Variants in ARL5B observed in about 807,000 individuals in gnomAD.
The protein encoded by ARL5B is ARF like GTPase 5B.
In ARL5B, 10 loss-of-function variants were observed where a neutral mutation model predicts 26.9. The ratio of observed to expected loss-of-function variants is 0.37; its 90% confidence interval spans 0.23 to 0.63. ARL5B has a LOEUF of 0.63. ARL5B is among the 30% of genes least tolerant of loss of function. The pLI, the probability that ARL5B is intolerant of heterozygous loss-of-function variation, is 0.62. For missense variants in ARL5B, 167 were observed against 213.9 expected (o/e 0.78, Z 1.37); for synonymous variants, 87 against 70.4 (o/e 1.24, Z -1.18).
At position 18,674,216 on chromosome 10, in the gene ARL5B, G is replaced by A. The variant is rs1488534448; in HGVS notation, c.491+81G>A. On this transcript the variant is annotated intron_variant, in intron 5 of 5. Transcript: ENST00000377275. ...TTAGGCCAACTTGTTTTCTTCATGGGTCCTGTTCCTTTTCTGTTTGTTTGT... is the reference window on the plus strand; with the variant it reads ...TTAGGCCAACTTGTTTTCTTCATGGATCCTGTTCCTTTTCTGTTTGTTTGT... The A allele has an allele frequency of 1.6e-5, 21 of 1,312,612 alleles. No homozygotes were observed. In the East Asian group the frequency reaches 4.8e-4, roughly 30 times the overall value. 81.3% of individuals were successfully genotyped at this position (1,312,612 alleles called of 1,614,324 possible).
rs2131652325 is a variant in ARL5B, at chr10:18,677,805, T to C, written c.*2589T>C. 6.6e-6 allele frequency: 1 copy of C among 152,406 alleles called. No homozygotes were observed. The highest frequency in any genetic ancestry group is 3.4e-3 in the Middle Eastern group (1 of 294). The allele number at this position is 152,406 out of a possible 1,614,324, so 9.4% of individuals were successfully genotyped here. ...TAATTATTTCAGTGATGAAATAATT[T>C]GTGTTTTATATCCCCCTTCACCTCC... On this transcript the variant is annotated 3_prime_UTR_variant, in exon 6 of 6. Transcript: ENST00000377275.
chr10:18,675,068 T>C, intron 5 of ARL5B, 100 bp from the exon 6 acceptor site: 1 of 1,002,086 alleles, frequency 1.0e-6, no homozygotes, highest in Non-Finnish European at 1.5e-6. Context: ...TAAATAATGA[T>C]TGTGCTACCA....
chr10:18,678,733 C>G lies in ARL5B; in HGVS notation c.*3517C>G, dbSNP rs1347926632. 2 of 151,298 alleles carry G rather than the reference C, an allele frequency of 1.3e-5. No individual in the cohort carries two copies. Among genetic ancestry groups the G allele is most frequent in the East Asian group, 1.9e-4 (1 of 5,186 alleles). The allele number at this position is 151,298 out of a possible 1,614,324, so 9.4% of individuals were successfully genotyped here. On this transcript the variant is annotated 3_prime_UTR_variant, in exon 6 of 6. Transcript: ENST00000377275. ...CTTCACTCTAATTCAGTCCTAAAGG[C>G]TATTTTACATTTTGCCGGGGTAAAG...
At chr10:18,665,442 GTT>G (rs1209941899) in intron 1 of ARL5B, among the ~76,000 whole-genome samples, 9 of 152,182 alleles carry the variant, frequency 5.9e-5, no homozygotes, top group Non-Finnish European at 1.2e-4. Context: ...GACCGTGTCT[GTT>G]TATCCTGCAC....
intron 3 of ARL5B, among the ~76,000 whole-genome samples, chr10:18,670,562 G>A (rs893543994): frequency 1.3e-5 from 2 of 152,174 alleles, no homozygotes; most frequent in African/African-American, 4.8e-5. Flanking sequence ...AGTGAGCTGA[G>A]ATAGCACCAC....
At chr10:18,670,797 T>A (rs2059883732) in intron 3 of ARL5B, among the ~76,000 whole-genome samples, 1 of 152,176 alleles carries the variant, frequency 6.6e-6, no homozygotes, top group African/African-American at 2.4e-5. Context: ...GAAAGGGTAG[T>A]TCTTGAAGTG....
rs2059899097 is a variant in ARL5B, at chr10:18,673,925, G to C, written c.340-59G>C. Reference sequence around the variant, plus strand: ...AGAAGCACTTCATTATAACTGTTCAGCTGGGTAAATTTAAATTGTGGTATT... The same window carrying C: ...AGAAGCACTTCATTATAACTGTTCACCTGGGTAAATTTAAATTGTGGTATT... On this transcript the variant is annotated intron_variant, in intron 4 of 5. Transcript: ENST00000377275. The C allele has an allele frequency of 2.0e-6, 3 of 1,495,476 alleles. No individual in the cohort carries two copies. In the East Asian group the frequency reaches 7.3e-5, roughly 36 times the overall value. The allele number at this position is 1,495,476 out of a possible 1,614,324, so 92.6% of individuals were successfully genotyped here.
At chr10:18,662,500 T>C (rs891985708) in intron 1 of ARL5B, among the ~76,000 whole-genome samples, 2 of 152,248 alleles carry the variant, frequency 1.3e-5, no homozygotes, top group Non-Finnish European at 2.9e-5. Flanking sequence ...GGAAATAATT[T>C]GGAATTCTGA....
At chr10:18,668,048 C>T (rs1185525328) in intron 2 of ARL5B, among the ~76,000 whole-genome samples, 4 of 152,112 alleles carry the variant, frequency 2.6e-5, no homozygotes, top group Non-Finnish European at 5.9e-5. Context: ...TGCCCATGGT[C>T]ATCTTTTTAG....
chr10:18,662,262 C>T (rs1355160419), intron 1 of ARL5B, among the ~76,000 whole-genome samples: 1 of 152,214 alleles, frequency 6.6e-6, no homozygotes, highest in East Asian at 1.9e-4. Flanking sequence ...AACTACTGAT[C>T]TTACTTTATG....
chr10:18,668,402 T>G, intron 2 of ARL5B, 128 bp from the exon 3 acceptor site: 1 of 938,194 alleles, frequency 1.1e-6, no homozygotes, highest in Non-Finnish European at 1.6e-6. Flanking sequence ...TCTCCAGGTT[T>G]ATAATTTTCA....
At chr10:18,672,735 CAG>C (rs1224119554) in intron 4 of ARL5B, 30 bp downstream of exon 4, 13 of 1,518,008 alleles carry the variant, frequency 8.6e-6, no homozygotes, top group Non-Finnish European at 1.2e-5. Context: ...CTTTAAAAAA[CAG>C]TGTAGTAAAG....
intron 4 of ARL5B, 52 bp from the exon 5 acceptor site, chr10:18,673,932 A>T: frequency 9.9e-6 from 15 of 1,515,610 alleles, no homozygotes; most frequent in Non-Finnish European, 1.3e-5. Flanking sequence ...TCAGCTGGGT[A>T]AATTTAAATT....
At chr10:18,660,986 T>A (rs1380592063) in intron 1 of ARL5B, among the ~76,000 whole-genome samples, 1 of 152,106 alleles carries the variant, frequency 6.6e-6, no homozygotes, top group Non-Finnish European at 1.5e-5. Context: ...TAACTGGTAT[T>A]TACAGGCACC....
chr10:18,678,711 C>G lies in ARL5B; in HGVS notation c.*3495C>G, dbSNP rs2059920476. 2 of 151,708 alleles carry G rather than the reference C, an allele frequency of 1.3e-5. No individual in the cohort carries two copies. Among genetic ancestry groups the G allele is most frequent in the South Asian group, 4.1e-4 (2 of 4,824 alleles). 9.4% of individuals were successfully genotyped at this position (151,708 alleles called of 1,614,324 possible). On this transcript the variant is annotated 3_prime_UTR_variant, in exon 6 of 6. Transcript: ENST00000377275. ...TACAGCTTTGGAACCAAAAAAACTT[C>G]ACTCTAATTCAGTCCTAAAGGCTAT...
intron 3 of ARL5B, among the ~76,000 whole-genome samples, chr10:18,670,787 G>A (rs1434505411): frequency 2.0e-5 from 3 of 152,154 alleles, no homozygotes; most frequent in African/African-American, 4.8e-5. Flanking sequence ...AAAGTGTGTC[G>A]AAAGGGTAGT....
In ARL5B at chr10:18,680,831, G is replaced by T. The variant is rs959961110; in HGVS notation, c.*5615G>T. 2.6e-5 allele frequency: 4 copies of T among 152,016 alleles called. No homozygotes were observed. The highest frequency in any genetic ancestry group is 5.9e-5 in the Non-Finnish European group (4 of 67,990). The allele number at this position is 152,016 out of a possible 1,614,324, so 9.4% of individuals were successfully genotyped here. ...TAACAGCAATTACAACCTTGGTGTT[G>T]CGTTTATTCTAATCAGAGTGAATGA... is the stretch of plus-strand genomic sequence containing the variant. On this transcript the variant is annotated 3_prime_UTR_variant, in exon 6 of 6. Coordinates refer to ENST00000377275, the MANE Select transcript of ARL5B (RefSeq NM_178815.5).
At position 18,659,575 on chromosome 10, in the gene ARL5B, T is replaced by TG. The variant is rs2059816679; in HGVS notation, c.-58dup. The TG allele has an allele frequency of 6.5e-7, 1 of 1,539,544 alleles. No individual in the cohort carries two copies. Among genetic ancestry groups the TG allele is most frequent in the Non-Finnish European group, 8.7e-7 (1 of 1,144,656 alleles). The stretch of plus-strand genomic sequence containing the variant: ...CGGCTCCGCGCAGCCCGCGCCGCGG[T>TG]GGGGGACCCGGCGCAGCGGCACCTG... On this transcript the variant is annotated 5_prime_UTR_variant, in exon 1 of 6. Transcript: ENST00000377275.
At position 18,664,480 on chromosome 10, in the gene ARL5B, C is replaced by A. The variant is rs200007064; in HGVS notation, c.47-2095C>A. Among the ~76,000 whole-genome samples, 9 of 143,576 alleles carry A rather than the reference C, an allele frequency of 6.3e-5. No individual in the cohort carries two copies. In the East Asian group the frequency reaches 1.9e-3, roughly 30 times the overall value. 94.2% of individuals were successfully genotyped at this position (143,576 alleles called of 152,430 possible). A position where few individuals can be genotyped will look rare whatever the true frequency, so the allele number is the denominator to read the frequency against. ...TGAGATGGAGTCTCGCTCTGTTGCC[C>A]AGGCTGGAGCACAGTGACCCGATCT... On this transcript the variant is annotated intron_variant, in intron 1 of 5. Coordinates refer to ENST00000377275, the MANE Select transcript of ARL5B (RefSeq NM_178815.5).
Sources: gnomAD v4.1 joint callset for allele counts (sites outside exome capture counted in the v4.1 genomes callset) on GRCh38, gnomAD v4.1.1 for gene constraint, MANE v1.5 for transcripts, NCBI Gene and HGNC (gene_info 2026-07-23, HGNC 2026-07-21) for gene names.